NT5DC3: variants seen among roughly 807,000 people sequenced by gnomAD.
NT5DC3 encodes the protein 5'-nucleotidase domain-containing protein 3.
NT5DC3 carries 42 observed loss-of-function variants against 67.8 expected under a neutral mutation model. The observed-to-expected ratio is 0.62, with a 90% CI of 0.48 to 0.80. The LOEUF (loss-of-function observed/expected upper bound fraction) is 0.80, where lower values mean the gene tolerates loss of function less well. Among genes scored for constraint, NT5DC3 ranks in the 30% least tolerant of loss-of-function variants. The probability of loss-of-function intolerance (pLI) is 0.00; values close to 1 mark genes in which losing one functional copy is unlikely to be tolerated. For missense variants in NT5DC3, 570 were observed against 696.4 expected, an observed-to-expected ratio of 0.82 and a Z score of 2.04; for synonymous variants, 237 against 255.6, an observed-to-expected ratio of 0.93 and a Z score of 0.69.
chr12:103,755,492 G>A, the NT5DC3 span: 3 of 1,611,904 alleles, frequency 1.9e-6, no homozygotes, highest in Non-Finnish European at 1.7e-6. Flanking sequence ...TACACTTCAG[G>A]TTCTGGGCCA....
At position 103,775,774 on chromosome 12, in the gene NT5DC3, T is replaced by C. The variant is rs1348997313; in HGVS notation, c.*2055A>G. On this transcript the variant is annotated 3_prime_UTR_variant, in exon 14 of 14. Coordinates refer to ENST00000392876, the MANE Select transcript of NT5DC3 (RefSeq NM_001031701.3). ...AAAGGGTCACCTTCACCATTATAGT[T>C]AAATACAGCCAAATATCACAAGTAC... The C allele has an allele frequency of 6.6e-6, 1 of 152,214 alleles. No individual in the cohort carries two copies. Among genetic ancestry groups the C allele is most frequent in the Admixed American group, 6.5e-5 (1 of 15,276 alleles). The allele number at this position is 152,214 out of a possible 1,614,324, so 9.4% of individuals were successfully genotyped here.
At chr12:103,754,081 G>A in the NT5DC3 span, among the ~76,000 whole-genome samples, 9 of 152,116 alleles carry the variant, frequency 5.9e-5, no homozygotes, top group Admixed American at 2.0e-4. Flanking sequence ...TGCCTAGTAC[G>A]TATGATTTTA....
chr12:103,759,953 A>T, the NT5DC3 span, among the ~76,000 whole-genome samples: 14 of 152,340 alleles, frequency 9.2e-5, no homozygotes, highest in South Asian at 2.9e-3. Flanking sequence ...TTTGTGGAAA[A>T]TTGATCAAAT....
the NT5DC3 span, among the ~76,000 whole-genome samples, chr12:103,753,913 A>C: frequency 6.6e-6 from 1 of 152,180 alleles, no homozygotes; most frequent in Admixed American, 6.5e-5. Flanking sequence ...AAGAAAAAAG[A>C]GACTGCACAA....
intron 12 of NT5DC3, among the ~76,000 whole-genome samples, chr12:103,780,813 A>G (rs1307871043): frequency 1.1e-4 from 17 of 152,230 alleles, no homozygotes; most frequent in African/African-American, 3.6e-4. Flanking sequence ...TACAAACGTT[A>G]TAGTTAAGTA....
Position 103,814,990 on chromosome 12 carries a change from G to C in NT5DC3, c.340C>G (p.Leu114Val). The C allele has an allele frequency of 6.2e-7, 1 of 1,613,518 alleles. No homozygotes were observed. The highest frequency in any genetic ancestry group is 8.5e-7 in the Non-Finnish European group (1 of 1,179,706). The change falls in exon 2 of 14, where the codon CTC becomes GTC. Residue 114 changes from leucine to valine, a missense_variant. Transcript: ENST00000392876. The part of the protein sequence containing the change: ...DYTLVFYSKH[L>V]HTLIFNAARD... ...GCAGCATTAAATATCAGCGTGTGGA[G>C]GTGCTTTGAATAAAACACCAAGGTG...
chr12:103,792,304 G>C (rs182214607), intron 9 of NT5DC3, among the ~76,000 whole-genome samples: 136 of 152,294 alleles, frequency 8.9e-4, no homozygotes, highest in African/African-American at 3.1e-3. Flanking sequence ...TGGAGTCACT[G>C]TGACACGTGG....
At chr12:103,759,040 T>C in the NT5DC3 span, 8 of 1,603,406 alleles carry the variant, frequency 5.0e-6, no homozygotes, top group African/African-American at 9.4e-5. Context: ...GCCTAGGCCA[T>C]GAGAAGCAAT....
At chr12:103,807,116 G>A (rs544283821) in intron 2 of NT5DC3, among the ~76,000 whole-genome samples, 187 bp from the exon 3 acceptor site, 1 of 152,306 alleles carries the variant, frequency 6.6e-6, no homozygotes, top group Admixed American at 6.5e-5. Context: ...ACGCTGGCCA[G>A]AGCCTTCCAT....
Position 103,814,818 on chromosome 12 carries a change from T to C in NT5DC3, c.393+119A>G, listed in dbSNP as rs1227083220. ...CTTGGAAGGGAACAAAATCTACTTA[T>C]TCATTTAGCAACAATTTATTAAATG... On this transcript the variant is annotated intron_variant, in intron 2 of 13. Coordinates refer to ENST00000392876, the MANE Select transcript of NT5DC3 (RefSeq NM_001031701.3). 7.4e-6 allele frequency: 5 copies of C among 674,846 alleles called. No individual in the cohort carries two copies. The Admixed American group carries it at 1.2e-4, about 16-fold the overall frequency. 41.8% of individuals were successfully genotyped at this position (674,846 alleles called of 1,614,324 possible). A position where few individuals can be genotyped will look rare whatever the true frequency, so the allele number is the denominator to read the frequency against.
At chr12:103,754,962 T>A in the NT5DC3 span, 82 of 178,506 alleles carry the variant, frequency 4.6e-4, no homozygotes, top group Middle Eastern at 2.1e-3. Flanking sequence ...AAAAAAAAAA[T>A]TTGAGTTCTA....
At chr12:103,747,651 G>A in the NT5DC3 span, among the ~76,000 whole-genome samples, 2 of 152,134 alleles carry the variant, frequency 1.3e-5, no homozygotes, top group Non-Finnish European at 1.5e-5. Context: ...GGGAAATGTC[G>A]TCTTTTATTG....
intron 1 of NT5DC3, among the ~76,000 whole-genome samples, chr12:103,826,520 G>A (rs1887702907): frequency 6.6e-6 from 1 of 152,176 alleles, no homozygotes; most frequent in African/African-American, 2.4e-5. Flanking sequence ...CAAACAATGT[G>A]GGGAGCCTCT....
chr12:103,770,757 AG>A (rs1258036533), downstream of NT5DC3: 1 of 152,216 alleles, frequency 6.6e-6, no homozygotes, highest in Non-Finnish European at 1.5e-5. Flanking sequence ...ATAAAGGTTA[AG>A]TGCTATGGTC....
chr12:103,750,502 T>C, the NT5DC3 span: 1 of 1,575,764 alleles, frequency 6.3e-7, no homozygotes, highest in East Asian at 2.2e-5. Flanking sequence ...AGGCTGGACA[T>C]TGGTCCCATG....
chr12:103,797,896 C>G (rs534343734), intron 5 of NT5DC3, among the ~76,000 whole-genome samples: 1 of 152,186 alleles, frequency 6.6e-6, no homozygotes, highest in Admixed American at 6.5e-5. Context: ...CCTAGCCTAT[C>G]TTAAGCATTC....
chr12:103,789,471 T>G (rs1885944896), intron 9 of NT5DC3, among the ~76,000 whole-genome samples: 1 of 152,102 alleles, frequency 6.6e-6, no homozygotes, highest in South Asian at 2.1e-4. Flanking sequence ...CAGGGTCATA[T>G]AAATTTGGAA....
At chr12:103,755,041 T>C in the NT5DC3 span, 1 of 447,316 alleles carries the variant, frequency 2.2e-6, no homozygotes, top group Non-Finnish European at 4.0e-6. Flanking sequence ...CAGCAAATTC[T>C]TTCTCAAGAG....
intron 1 of NT5DC3, among the ~76,000 whole-genome samples, chr12:103,824,182 T>C (rs531016710): frequency 6.1e-4 from 93 of 152,360 alleles, no homozygotes; most frequent in African/African-American, 2.1e-3. Flanking sequence ...AACAGTTGAA[T>C]AGAAAGTGTG....
Sources: gnomAD v4.1 joint callset for allele counts (sites outside exome capture counted in the v4.1 genomes callset) on GRCh38, gnomAD v4.1.1 for gene constraint, MANE v1.5 for transcripts, NCBI Gene and HGNC (gene_info 2026-07-23, HGNC 2026-07-21) for gene names.